Variants in XKR6 observed in about 807,000 individuals in gnomAD.
The protein encoded by XKR6 is XK-related protein 6.
In XKR6, 22 loss-of-function variants were observed where a neutral mutation model predicts 56.7. The ratio of observed to expected loss-of-function variants is 0.39; its 90% confidence interval spans 0.28 to 0.55. XKR6 has a LOEUF of 0.55. Ranked by LOEUF, XKR6 falls within the 20% of genes least tolerant of loss-of-function variation. The probability of loss-of-function intolerance (pLI) is 0.66; values close to 1 mark genes in which losing one functional copy is unlikely to be tolerated. For synonymous variants in XKR6, 524 were observed against 387.8 expected, an observed-to-expected ratio of 1.35 and a Z score of -4.13; for missense variants, 852 against 889.0, an observed-to-expected ratio of 0.96 and a Z score of 0.53.
intron 1 of XKR6, among the ~76,000 whole-genome samples, chr8:11,138,878 A>T (rs1311933321): frequency 6.6e-6 from 1 of 152,124 alleles, no homozygotes; most frequent in African/African-American, 2.4e-5. Context: ...CCAAAGCCAG[A>T]ATATTTTTAC....
intron 1 of XKR6, among the ~76,000 whole-genome samples, chr8:11,030,618 C>G (rs1456252649): frequency 6.6e-6 from 1 of 152,164 alleles, no homozygotes; most frequent in Non-Finnish European, 1.5e-5. Context: ...TCAGGTCCCA[C>G]AAGTGACAGG....
chr8:11,111,601 A>C (rs1369598584), intron 1 of XKR6: 1 of 152,224 alleles, frequency 6.6e-6, no homozygotes, highest in Non-Finnish European at 1.5e-5. Context: ...GGAATTACAG[A>C]AACTTCCTGG....
rs191444886 is a variant in XKR6, at chr8:10,978,444, T to C, written c.765-53614A>G. Among the ~76,000 whole-genome samples the C allele has an allele frequency of 1.1e-4, 16 of 152,332 alleles. No homozygotes were observed. The East Asian group carries it at 2.9e-3, about 28-fold the overall frequency. On this transcript the variant is annotated intron_variant, in intron 1 of 2. Transcript: ENST00000416569. ...TGCACTCCATCTCAAACAAATTAAATAATGCATGTGATGATGTGATGGGGG... is the reference window on the plus strand; with the variant it reads ...TGCACTCCATCTCAAACAAATTAAACAATGCATGTGATGATGTGATGGGGG...
At position 10,896,281 on chromosome 8, in the gene XKR6, T is replaced by A. The variant is rs1411343548; in HGVS notation, c.*1671A>T. ...ACATACTTGCAACACCTGCAGAAATTCAACTTGATACAATGAGAAAATAAA... is the reference window on the plus strand; with the variant it reads ...ACATACTTGCAACACCTGCAGAAATACAACTTGATACAATGAGAAAATAAA... On this transcript the variant is annotated 3_prime_UTR_variant, in exon 3 of 3. Coordinates refer to ENST00000416569, the MANE Select transcript of XKR6 (RefSeq NM_173683.4). 6.6e-6 allele frequency: 1 copy of A among 152,142 alleles called. No individual in the cohort carries two copies. Among genetic ancestry groups the A allele is most frequent in the Non-Finnish European group, 1.5e-5 (1 of 67,808 alleles). The allele number at this position is 152,142 out of a possible 1,614,324, so 9.4% of individuals were successfully genotyped here.
At chr8:10,943,272 A>G (rs1467516294) in intron 1 of XKR6, among the ~76,000 whole-genome samples, 1 of 152,212 alleles carries the variant, frequency 6.6e-6, no homozygotes, top group East Asian at 1.9e-4. Context: ...TTTGCCAGGC[A>G]AACAGGCAGT....
At position 11,095,674 on chromosome 8, in the gene XKR6, G is replaced by A. The variant is rs574451396; in HGVS notation, c.764+104902C>T. ...CAAAATATATATGTATATATCATGT[G>A]CAACTTGGCTCTCCTCCTTTGTAAG... On this transcript the variant is annotated intron_variant, in intron 1 of 2. Coordinates refer to ENST00000416569, the MANE Select transcript of XKR6 (RefSeq NM_173683.4). 6.4e-4 allele frequency among the ~76,000 whole-genome samples: 98 copies of A among 152,296 alleles called. 3 individuals carry two copies. The South Asian group carries it at 0.02, about 31-fold the overall frequency.
At chr8:11,064,919 C>G (rs1278719581) in intron 1 of XKR6, among the ~76,000 whole-genome samples, 1 of 152,158 alleles carries the variant, frequency 6.6e-6, no homozygotes, top group Non-Finnish European at 1.5e-5. Flanking sequence ...ACAAAAACCT[C>G]AATGGTTAAA....
intron 1 of XKR6, among the ~76,000 whole-genome samples, chr8:11,023,808 CCT>C (rs1174420392): frequency 5.3e-5 from 8 of 152,350 alleles, no homozygotes; most frequent in African/African-American, 1.9e-4. Flanking sequence ...CTGACTGTCC[CCT>C]CCTGAACCCT....
intron 1 of XKR6, among the ~76,000 whole-genome samples, chr8:11,064,019 G>A (rs999103677): frequency 3.9e-5 from 6 of 152,172 alleles, no homozygotes; most frequent in Non-Finnish European, 8.8e-5. Context: ...ACCTTCCGAA[G>A]TTCTCTTCTA....
rs908738193 is a variant in XKR6 at position 11,183,855 on chromosome 8, T to C, written c.764+16721A>G. 1.2e-4 allele frequency among the ~76,000 whole-genome samples: 19 copies of C among 152,316 alleles called. 2 individuals are homozygous for C. The highest frequency in any genetic ancestry group is 7.8e-4 in the Admixed American group (12 of 15,306). On this transcript the variant is annotated intron_variant, in intron 1 of 2. Coordinates refer to ENST00000416569, the MANE Select transcript of XKR6 (RefSeq NM_173683.4). ...GGGTTTAAACACAGCATAAGGGTTA[T>C]AACATTTGCAGTACTATGAACTTTT...
At chr8:10,911,586 G>A (rs1262755476) in intron 2 of XKR6, among the ~76,000 whole-genome samples, 2 of 138,612 alleles carry the variant, frequency 1.4e-5, no homozygotes, top group African/African-American at 2.7e-5. Context: ...AGAGAGAGAG[G>A]AAGAGAGAGG....
chr8:10,982,138 T>A (rs1797749406), intron 1 of XKR6, among the ~76,000 whole-genome samples: 1 of 152,236 alleles, frequency 6.6e-6, no homozygotes, highest in Non-Finnish European at 1.5e-5. Flanking sequence ...TCAACCCTTG[T>A]CTGATGACTT....
At chr8:10,961,077 C>T (rs753621254) in intron 1 of XKR6, among the ~76,000 whole-genome samples, 4 of 151,968 alleles carry the variant, frequency 2.6e-5, no homozygotes, top group Admixed American at 1.3e-4. Flanking sequence ...AGGTGAGTAT[C>T]GGAGGCATGG....
chr8:10,928,170 A>C (rs1482319009), intron 1 of XKR6, among the ~76,000 whole-genome samples: 1 of 152,182 alleles, frequency 6.6e-6, no homozygotes, highest in Non-Finnish European at 1.5e-5. Context: ...AACGCAAGCC[A>C]CTGCCGCCTC....
At chr8:11,123,539 TATC>T in intron 1 of XKR6, 1 of 259,866 alleles carries the variant, frequency 3.8e-6, no homozygotes, top group South Asian at 4.5e-5. Context: ...TCTATGACAA[TATC>T]ATCACCAACC....
At chr8:10,965,044 C>T (rs1365044484) in intron 1 of XKR6, among the ~76,000 whole-genome samples, 1 of 152,246 alleles carries the variant, frequency 6.6e-6, no homozygotes, top group Non-Finnish European at 1.5e-5. Context: ...GGCCAAGGGC[C>T]ACCAACTGGA....
chr8:11,154,998 A>G (rs1801446577), intron 1 of XKR6, among the ~76,000 whole-genome samples: 1 of 152,240 alleles, frequency 6.6e-6, no homozygotes, highest in Admixed American at 6.5e-5. Flanking sequence ...AAATGTTTTC[A>G]AGCAGCACAG....
chr8:10,902,210 C>T (rs1049266374), intron 2 of XKR6, among the ~76,000 whole-genome samples: 2 of 152,236 alleles, frequency 1.3e-5, no homozygotes, highest in Non-Finnish European at 2.9e-5. Context: ...GGGAAATGGT[C>T]CCATGGAAGA....
intron 1 of XKR6, among the ~76,000 whole-genome samples, chr8:11,084,520 G>A (rs1267486214): frequency 6.6e-6 from 1 of 152,094 alleles, no homozygotes; most frequent in Non-Finnish European, 1.5e-5. Context: ...TATTTATTCA[G>A]AAAGCACTTC....
Sources: allele counts gnomAD v4.1 joint callset (sites outside exome capture counted in the v4.1 genomes callset), GRCh38; gene constraint gnomAD v4.1.1; transcripts MANE v1.5; gene names NCBI Gene and HGNC (gene_info 2026-07-23, HGNC 2026-07-21).